Variants in KNTC1 observed in about 807,000 individuals in gnomAD.
The protein encoded by KNTC1 is kinetochore-associated protein 1.
Under a neutral mutation model 314.4 loss-of-function variants are expected in KNTC1, and 253 were observed. That is an observed-to-expected ratio of 0.80 (90% confidence interval 0.73 to 0.89). KNTC1 has a LOEUF of 0.89. KNTC1 is among the 40% of genes least tolerant of loss of function. The probability of loss-of-function intolerance (pLI) is 0.00; values close to 1 mark genes in which losing one functional copy is unlikely to be tolerated. For missense variants in KNTC1, 2,475 were observed against 2,572.9 expected, an observed-to-expected ratio of 0.96 and a Z score of 0.82; for synonymous variants, 901 against 901.4, an observed-to-expected ratio of 1.00 and a Z score of 0.01.
chr12:122,562,033 T>A (rs999723341), intron 19 of KNTC1, 59 bp downstream of exon 19: 2 of 1,514,208 alleles, frequency 1.3e-6, no homozygotes, highest in Non-Finnish European at 1.8e-6. Context: ...TAATATGTTT[T>A]CCATTCAAAA....
At chr12:122,548,583 C>A (rs187989368) in intron 12 of KNTC1, among the ~76,000 whole-genome samples, 1 of 152,166 alleles carries the variant, frequency 6.6e-6, no homozygotes, top group Non-Finnish European at 1.5e-5. Flanking sequence ...TAAATACAAA[C>A]TGTAGAATGG....
intron 53 of KNTC1, chr12:122,611,304 C>G (rs1308295169): frequency 1.2e-5 from 2 of 161,844 alleles, no homozygotes; most frequent in Admixed American, 1.3e-4. Flanking sequence ...ATTGAACTTG[C>G]AATTTCCCCT....
At position 122,539,774 on chromosome 12, in the gene KNTC1, T is replaced by G. The variant is rs1962139576; in HGVS notation, c.445+20T>G. 1 of 1,489,452 alleles carries G rather than the reference T, an allele frequency of 6.7e-7. No individual in the cohort carries two copies. The highest frequency in any genetic ancestry group is 1.8e-4 in the Middle Eastern group (1 of 5,636). The allele number at this position is 1,489,452 out of a possible 1,614,324, so 92.3% of individuals were successfully genotyped here. On this transcript the variant is annotated intron_variant, in intron 5 of 63. Coordinates refer to ENST00000333479, the MANE Select transcript of KNTC1 (RefSeq NM_014708.6). ...ATGAAGGTAAGTTTTCCTGAATTTT[T>G]TTTTGAATGACTTTTTTTTTTTTTT...
intron 53 of KNTC1, chr12:122,611,433 A>G (rs536019326): frequency 1.3e-5 from 2 of 152,536 alleles, no homozygotes; most frequent in Non-Finnish European, 2.9e-5. Context: ...AGAGAAAAGG[A>G]AGAAAAGGAA....
chr12:122,614,710 G>A (rs1873579503), intron 55 of KNTC1, among the ~76,000 whole-genome samples: 1 of 151,862 alleles, frequency 6.6e-6, no homozygotes, highest in Middle Eastern at 3.4e-3. Context: ...GTGAAACCCC[G>A]TCTCTACTAA....
At chr12:122,538,315 G>A (rs1360227762) in intron 3 of KNTC1, 24 bp from the exon 4 acceptor site, 2 of 1,317,860 alleles carry the variant, frequency 1.5e-6, no homozygotes, top group Non-Finnish European at 2.1e-6. Flanking sequence ...AAGGAAGCTT[G>A]TAACTTTGAT....
intron 26 of KNTC1, among the ~76,000 whole-genome samples, chr12:122,573,560 A>G (rs576212874): frequency 1.3e-5 from 2 of 152,330 alleles, no homozygotes; most frequent in Admixed American, 6.5e-5. Context: ...ACACAGCCTC[A>G]GGAAGTCCTG....
At position 122,601,337 on chromosome 12, in the gene KNTC1, G is replaced by A. The variant is rs572019771; in HGVS notation, c.4564-199G>A. Among the ~76,000 whole-genome samples, 7 of 152,048 alleles carry A rather than the reference G, an allele frequency of 4.6e-5. No individual in the cohort carries two copies. In the South Asian group the frequency reaches 1.2e-3, roughly 27 times the overall value. ...CCTGACCTCGTGATCCACCCGCCTC[G>A]GCCTCCCAAAGTGCTAGGATTACAG... On this transcript the variant is annotated intron_variant, in intron 44 of 63. Coordinates refer to ENST00000333479, the MANE Select transcript of KNTC1 (RefSeq NM_014708.6).
chr12:122,584,059 G>C (rs187350961), intron 34 of KNTC1, among the ~76,000 whole-genome samples: 115 of 152,330 alleles, frequency 7.5e-4, no homozygotes, highest in African/African-American at 2.6e-3. Context: ...TGGAGGTTGA[G>C]GCTGCAGTGA....
Position 122,609,379 on chromosome 12 carries a change from C to T in KNTC1, c.5497-5C>T, listed in dbSNP as rs1208701388. The T allele has an allele frequency of 6.4e-7, 1 of 1,568,562 alleles. No individual in the cohort carries two copies. Among genetic ancestry groups the T allele is most frequent in the Non-Finnish European group, 8.7e-7 (1 of 1,153,810 alleles). On this transcript the variant is annotated splice_region_variant and splice_polypyrimidine_tract_variant and intron_variant, in intron 51 of 63. Transcript: ENST00000333479. Reference sequence around the variant, plus strand: ...TTTTGACCTTTTTTTCCTACCTTTTCAAAGAAACCATCAGAATTATTTGAA... The same window carrying T: ...TTTTGACCTTTTTTTCCTACCTTTTTAAAGAAACCATCAGAATTATTTGAA...
At chr12:122,577,933 T>C in intron 31 of KNTC1, 142 bp downstream of exon 31, 1 of 694,672 alleles carries the variant, frequency 1.4e-6, no homozygotes, top group East Asian at 3.3e-5. Flanking sequence ...CCTGGGTAAA[T>C]TTACTACTAG....
rs114060426 is a variant in KNTC1 at position 122,604,344 on chromosome 12, T to C, written c.5102-220T>C. Among the ~76,000 whole-genome samples the C allele has an allele frequency of 5.8e-3, 874 of 151,868 alleles. 6 individuals carry two copies. The highest frequency in any genetic ancestry group is 0.02 in the African/African-American group (847 of 41,444). On this transcript the variant is annotated intron_variant, in intron 48 of 63. Coordinates refer to ENST00000333479, the MANE Select transcript of KNTC1 (RefSeq NM_014708.6). ...GTATTTTCAGTAGAGACAGGGTTCT[T>C]CCGTGTTGGCCAGGGTGGTCTCAAA... is the stretch of plus-strand genomic sequence containing the variant.
chr12:122,619,820 G>C (rs1285880019), intron 59 of KNTC1, among the ~76,000 whole-genome samples: 1 of 152,166 alleles, frequency 6.6e-6, no homozygotes, highest in Non-Finnish European at 1.5e-5. Flanking sequence ...CCTACTGTAT[G>C]AGCATAGAGT....
At chr12:122,612,388 TTG>T (rs1351214330) in intron 53 of KNTC1, among the ~76,000 whole-genome samples, 1 of 146,718 alleles carries the variant, frequency 6.8e-6, no homozygotes, top group South Asian at 2.2e-4. Context: ...TAAGTGAAAT[TTG>T]TCTTTGGTTT....
chr12:122,547,478 G>C lies in KNTC1; in HGVS notation c.880G>C (p.Val294Leu), dbSNP rs765324143. ...TPVWNWPSLH[V>L]EEFLLTTEAD... ...TGTATGGAACTGGCCCTCTCTTCAC[G>C]TAGAAGAGTTTCTTCTTACTACAGA... Residue 294 changes from valine (V) to leucine (L), a missense_variant, in exon 11 of 64, where the codon GTA becomes CTA. By Grantham distance (32) the Val-to-Leu change is conservative (BLOSUM62 1). Coordinates refer to ENST00000333479, the MANE Select transcript of KNTC1 (RefSeq NM_014708.6). 2.5e-6 allele frequency: 4 copies of C among 1,613,104 alleles called. No homozygotes were observed. Among genetic ancestry groups the C allele is most frequent in the Non-Finnish European group, 3.4e-6 (4 of 1,179,270 alleles).
chr12:122,620,846 G>A (rs1193513574), intron 60 of KNTC1, among the ~76,000 whole-genome samples: 3 of 152,186 alleles, frequency 2.0e-5, no homozygotes, highest in African/African-American at 7.2e-5. Context: ...GGAAACAAGT[G>A]ATTATTTTAG....
chr12:122,622,012 A>G, intron 61 of KNTC1, 42 bp downstream of exon 61: 1 of 1,344,762 alleles, frequency 7.4e-7, no homozygotes, highest in South Asian at 1.3e-5. Context: ...GAAAATGTTG[A>G]TACTAGAAGG....
chr12:122,603,377 T>C (rs931006179), intron 48 of KNTC1, 134 bp downstream of exon 48: 2 of 708,766 alleles, frequency 2.8e-6, no homozygotes, highest in Non-Finnish European at 4.5e-6. Context: ...GCTGAAACGC[T>C]CAAGGGCAGT....
chr12:122,558,690 A>G (rs959581360), intron 18 of KNTC1, among the ~76,000 whole-genome samples: 2 of 151,932 alleles, frequency 1.3e-5, no homozygotes, highest in East Asian at 1.9e-4. Context: ...AGCCTGGCCA[A>G]TATGGTGAAA....
Sources: gnomAD v4.1 joint callset for allele counts (sites outside exome capture counted in the v4.1 genomes callset) on GRCh38, gnomAD v4.1.1 for gene constraint, MANE v1.5 for transcripts, NCBI Gene and HGNC (gene_info 2026-07-23, HGNC 2026-07-21) for gene names.